ANXA8: variants seen among roughly 807,000 people sequenced by gnomAD.
ANXA8 encodes VAC-beta.
Under a neutral mutation model 26.8 loss-of-function variants are expected in ANXA8, and 9 were observed. The ratio of observed to expected loss-of-function variants is 0.34; its 90% CI spans 0.20 to 0.59. ANXA8 has a LOEUF of 0.59. ANXA8 is among the 20% of genes least tolerant of loss of function. The pLI, the probability that ANXA8 is intolerant of heterozygous loss-of-function variation, is 0.84. For synonymous variants in ANXA8, 39 were observed against 94.8 expected, an observed-to-expected ratio of 0.41 and a Z score of 3.42; for missense variants, 83 against 238.5, an observed-to-expected ratio of 0.35 and a Z score of 4.29.
At chr10:47,623,977 C>T in the ANXA8 span, among the ~76,000 whole-genome samples, 1 of 98,278 alleles carries the variant, frequency 1.0e-5, no homozygotes. Context: ...TGGCTGATGC[C>T]TGTGATTCCA....
chr10:47,960,417 G>A, the ANXA8 span, among the ~76,000 whole-genome samples: 1 of 146,600 alleles, frequency 6.8e-6, no homozygotes, highest in Non-Finnish European at 1.5e-5. Context: ...ATCATGCACA[G>A]CCTGCTTCAG....
chr10:47,619,198 A>T, the ANXA8 span, among the ~76,000 whole-genome samples: 1 of 113,314 alleles, frequency 8.8e-6, no homozygotes, highest in African/African-American at 3.4e-5. Flanking sequence ...AGTGCAAAGA[A>T]TACTCTGTAA....
chr10:47,893,279 C>T, the ANXA8 span, among the ~76,000 whole-genome samples: 2 of 37,284 alleles, frequency 5.4e-5, no homozygotes, highest in Middle Eastern at 0.014. Context: ...TCACCCAGTC[C>T]CAGCTGTGCA....
At chr10:47,928,747 TC>T in the ANXA8 span, among the ~76,000 whole-genome samples, 18 of 46,262 alleles carry the variant, frequency 3.9e-4, no homozygotes, top group African/African-American at 7.1e-4. Flanking sequence ...TTTCTCTCTC[TC>T]TCTTTTTTTT....
the ANXA8 span, among the ~76,000 whole-genome samples, chr10:47,534,678 G>C: frequency 1.1e-4 from 12 of 113,244 alleles, 3 homozygotes; most frequent in African/African-American, 3.7e-4. Flanking sequence ...TTTTGAGACG[G>C]AGTTTTGCTG....
chr10:47,697,024 A>C, the ANXA8 span, among the ~76,000 whole-genome samples: 1 of 151,894 alleles, frequency 6.6e-6, no homozygotes, highest in South Asian at 2.1e-4. Flanking sequence ...TTCTTCTTTA[A>C]TGTCCAGTTT....
the ANXA8 span, among the ~76,000 whole-genome samples, chr10:47,733,213 C>CTTTCTTTCTTTCTTTCTT: frequency 1.0e-4 from 7 of 68,488 alleles, no homozygotes; most frequent in Non-Finnish European, 1.6e-4. Context: ...TTCTTTCTTT[C>CTTTCTTTCTTTCTTTCTT]TTTCTTTCTC....
At chr10:47,648,095 G>GA in the ANXA8 span, among the ~76,000 whole-genome samples, 2 of 151,806 alleles carry the variant, frequency 1.3e-5, no homozygotes, top group African/African-American at 4.9e-5. Context: ...CTGGGGCTCT[G>GA]AAAAAATTGG....
At chr10:47,743,299 T>TACACATATATATACACATATATATATAC in the ANXA8 span, among the ~76,000 whole-genome samples, 1 of 9,428 alleles carries the variant, frequency 1.1e-4, no homozygotes, top group African/African-American at 3.6e-4. Flanking sequence ...TATATACACA[T>TACACATATATATACACATATATATATAC]ATATATATAT....
chr10:47,693,745 G>A, the ANXA8 span, among the ~76,000 whole-genome samples: 2 of 151,644 alleles, frequency 1.3e-5, no homozygotes, highest in African/African-American at 4.9e-5. Flanking sequence ...TTCAGTGCTT[G>A]CTGAATACCT....
upstream of ANXA8, chr10:47,484,373 C>T (rs1414680386): frequency 2.4e-4 from 217 of 903,732 alleles, 1 homozygote; most frequent in Admixed American, 2.3e-3. Flanking sequence ...CATGAGCCAC[C>T]GCACCCAGCC....
chr10:47,520,433 T>C, the ANXA8 span: 3 of 1,398,458 alleles, frequency 2.1e-6, 1 homozygote, highest in Non-Finnish European at 9.3e-7. Flanking sequence ...TCTAAATACT[T>C]TCTATAACCT....
At chr10:47,776,691 T>G in the ANXA8 span, among the ~76,000 whole-genome samples, 1 of 151,846 alleles carries the variant, frequency 6.6e-6, no homozygotes, top group East Asian at 1.9e-4. Flanking sequence ...GGCTGAGGCC[T>G]AGCATACACC....
At chr10:47,693,291 T>A in the ANXA8 span, among the ~76,000 whole-genome samples, 1 of 149,542 alleles carries the variant, frequency 6.7e-6, no homozygotes, top group African/African-American at 2.5e-5. Context: ...TCAAGTACAA[T>A]CTTTTTTTTT....
chr10:47,519,063 T>C, the ANXA8 span, among the ~76,000 whole-genome samples: 1 of 136,052 alleles, frequency 7.4e-6, no homozygotes, highest in Admixed American at 7.5e-5. Flanking sequence ...ACCCTTAATG[T>C]TGGAGACAGG....
the ANXA8 span, among the ~76,000 whole-genome samples, chr10:47,684,021 A>G: frequency 6.6e-6 from 1 of 151,836 alleles, no homozygotes. Context: ...CATTCATCAG[A>G]CTCTGACCAC....
At chr10:47,547,425 GATATACATATAC>G in the ANXA8 span, among the ~76,000 whole-genome samples, 102 of 132,544 alleles carry the variant, frequency 7.7e-4, no homozygotes, top group African/African-American at 2.5e-3. Flanking sequence ...TATCTGGAAG[GATATACATATAC>G]ATATACATAT....
the ANXA8 span, chr10:47,502,923 G>A: frequency 2.5e-6 from 4 of 1,603,140 alleles, no homozygotes; most frequent in Admixed American, 1.7e-5. Context: ...TCTTCTTTAG[G>A]TGTTTCTTTT....
the ANXA8 span, chr10:47,987,022 G>T: frequency 1.8e-6 from 1 of 544,196 alleles, no homozygotes; most frequent in South Asian, 1.6e-5. Context: ...CGGGGAAAGG[G>T]GCCGTCCGGG....
Sources: allele counts gnomAD v4.1 joint callset (sites outside exome capture counted in the v4.1 genomes callset), GRCh38; gene constraint gnomAD v4.1.1; transcripts MANE v1.5; gene names NCBI Gene and HGNC (gene_info 2026-07-23, HGNC 2026-07-21).